TRAPPC9: variants seen among roughly 807,000 people sequenced by gnomAD.
The protein encoded by TRAPPC9 is IKK2 binding protein.
Under a neutral mutation model 124.0 loss-of-function variants are expected in TRAPPC9, and 83 were observed. The ratio of observed to expected loss-of-function variants is 0.67; its 90% confidence interval spans 0.56 to 0.80. The LOEUF (loss-of-function observed/expected upper bound fraction) is 0.80. Ranked by LOEUF, TRAPPC9 falls within the 30% of genes least tolerant of loss-of-function variation. TRAPPC9 has a pLI of 0.00. For synonymous variants in TRAPPC9, 638 were observed against 617.5 expected (o/e 1.03, Z -0.49); for missense variants, 1,302 against 1,508.3 (o/e 0.86, Z 2.27).
chr8:140,131,896 T>C (rs928126503), intron 17 of TRAPPC9, among the ~76,000 whole-genome samples: 4 of 152,194 alleles, frequency 2.6e-5, no homozygotes. Context: ...CTAGAAGGGT[T>C]TGGAGTCAGC....
chr8:140,342,719 G>GA (rs1804712337), intron 9 of TRAPPC9, among the ~76,000 whole-genome samples: 1 of 151,982 alleles, frequency 6.6e-6, no homozygotes, highest in African/African-American at 2.4e-5. Context: ...GCCATCTGGA[G>GA]AAAAAAATGC....
chr8:140,083,720 G>A (rs982895249), intron 17 of TRAPPC9, among the ~76,000 whole-genome samples: 6 of 152,134 alleles, frequency 3.9e-5, no homozygotes, highest in Admixed American at 6.5e-5. Context: ...AGGCTGGAGT[G>A]CAGTGGCGTG....
chr8:140,383,477 T>C (rs1286836371), intron 7 of TRAPPC9, among the ~76,000 whole-genome samples: 1 of 152,186 alleles, frequency 6.6e-6, no homozygotes, highest in Non-Finnish European at 1.5e-5. Context: ...AATGACCTGA[T>C]GGAGCTGAAA....
chr8:140,278,319 C>A (rs569397460), intron 14 of TRAPPC9, among the ~76,000 whole-genome samples: 6 of 152,064 alleles, frequency 3.9e-5, no homozygotes, highest in Non-Finnish European at 8.8e-5. Context: ...TTGGCCAGGC[C>A]GGTCTCGAAC....
chr8:140,114,159 T>A (rs2060833938), intron 17 of TRAPPC9, among the ~76,000 whole-genome samples: 2 of 152,072 alleles, frequency 1.3e-5, no homozygotes, highest in Non-Finnish European at 2.9e-5. Flanking sequence ...GCGGGGACTG[T>A]TATTCCTGTT....
At chr8:140,131,415 T>C (rs906849157) in intron 17 of TRAPPC9, among the ~76,000 whole-genome samples, 33 of 152,180 alleles carry the variant, frequency 2.2e-4, no homozygotes, top group Non-Finnish European at 4.7e-4. Context: ...TAGCTGCTTA[T>C]AAGGCTTTCT....
chr8:139,821,828 C>T (rs566745311), intron 21 of TRAPPC9, among the ~76,000 whole-genome samples: 1 of 152,300 alleles, frequency 6.6e-6, no homozygotes, highest in African/African-American at 2.4e-5. Context: ...ATTCGTGTGC[C>T]ATAATAGCCT....
chr8:140,424,133 AGTTTGTTT>A (rs544156554), intron 5 of TRAPPC9, among the ~76,000 whole-genome samples: 27 of 150,548 alleles, frequency 1.8e-4, no homozygotes, highest in Admixed American at 1.7e-3. Flanking sequence ...CATTAAAACT[AGTTTGTTT>A]GTTTGTTTGT....
chr8:139,818,572 T>C (rs1283233974), intron 21 of TRAPPC9, among the ~76,000 whole-genome samples: 2 of 151,308 alleles, frequency 1.3e-5, no homozygotes, highest in African/African-American at 2.4e-5. Flanking sequence ...CAAGGCTCTG[T>C]CTCAAAAAAA....
chr8:140,045,289 C>A (rs189627595), intron 17 of TRAPPC9, among the ~76,000 whole-genome samples: 71 of 152,282 alleles, frequency 4.7e-4, no homozygotes, highest in Middle Eastern at 6.8e-3. Flanking sequence ...CTGCCTGCTG[C>A]GGGCTGTGAG....
intron 16 of TRAPPC9, among the ~76,000 whole-genome samples, chr8:140,244,487 A>G (rs1472268606): frequency 2.0e-5 from 3 of 152,218 alleles, no homozygotes; most frequent in Non-Finnish European, 2.9e-5. Context: ...ACCAAATTAA[A>G]TAATTAATTA....
intron 21 of TRAPPC9, among the ~76,000 whole-genome samples, chr8:139,779,748 G>A (rs916859330): frequency 2.6e-5 from 4 of 152,054 alleles, no homozygotes; most frequent in Non-Finnish European, 5.9e-5. Flanking sequence ...GTTCATAGAT[G>A]ACATGGTTGT....
At chr8:140,154,489 A>G (rs1448906097) in intron 17 of TRAPPC9, among the ~76,000 whole-genome samples, 2 of 152,126 alleles carry the variant, frequency 1.3e-5, no homozygotes, top group Admixed American at 1.3e-4. Context: ...CTGATGATCA[A>G]TAATACCCAA....
chr8:139,903,044 C>T (rs983092203), intron 20 of TRAPPC9, among the ~76,000 whole-genome samples: 7 of 152,172 alleles, frequency 4.6e-5, no homozygotes, highest in African/African-American at 1.7e-4. Flanking sequence ...ATCCAACACC[C>T]CTCAGCAGTG....
At chr8:140,245,404 T>A (rs959754828) in intron 16 of TRAPPC9, among the ~76,000 whole-genome samples, 1 of 152,236 alleles carries the variant, frequency 6.6e-6, no homozygotes, top group Admixed American at 6.5e-5. Flanking sequence ...TGCCTGTTTT[T>A]AAATGCGTCA....
rs1420999951 is a variant in TRAPPC9 at position 139,731,984 on chromosome 8, C to T, written c.3274G>A (p.Asp1092Asn). Residue 1092 changes from aspartate (D) to asparagine (N), a missense_variant, in exon 22 of 23, where the codon GAC becomes AAC. Asp to Asn is a conservative substitution (Grantham distance 23, BLOSUM62 1). Transcript: ENST00000438773. ...SFVGSSTFYLDAVQPSGQSAC... is the reference protein window; with the variant it reads ...SFVGSSTFYLNAVQPSGQSAC... ...CCTTGCACACCACCACGCACCGCGT[C>T]GAGGTAGAAGGTGCTGGAGCCCACG... is the stretch of plus-strand genomic sequence containing the variant. 1.9e-6 allele frequency: 3 copies of T among 1,579,626 alleles called. No individual in the cohort carries two copies. Among genetic ancestry groups the T allele is most frequent in the East Asian group, 2.3e-5 (1 of 42,996 alleles).
chr8:140,065,355 T>C (rs1842851668), intron 17 of TRAPPC9, among the ~76,000 whole-genome samples: 1 of 152,242 alleles, frequency 6.6e-6, no homozygotes, highest in Admixed American at 6.5e-5. Context: ...AGACATCCAT[T>C]AGACCTAGCA....
At chr8:140,284,201 G>C (rs1006440187) in intron 13 of TRAPPC9, among the ~76,000 whole-genome samples, 180 bp from the exon 14 acceptor site, 2 of 152,154 alleles carry the variant, frequency 1.3e-5, no homozygotes, top group Non-Finnish European at 2.9e-5. Context: ...CACTGTCCTC[G>C]TACGTGATGG....
chr8:140,458,529 G>C, upstream of TRAPPC9: 1 of 1,583,522 alleles, frequency 6.3e-7, no homozygotes, highest in Non-Finnish European at 8.6e-7. Context: ...GCTTCCCCCT[G>C]TGTGGCGCGC....
Sources: gnomAD v4.1 joint callset for allele counts (sites outside exome capture counted in the v4.1 genomes callset) on GRCh38, gnomAD v4.1.1 for gene constraint, MANE v1.5 for transcripts, NCBI Gene and HGNC (gene_info 2026-07-23, HGNC 2026-07-21) for gene names.